Variants in DTNBP1 observed in about 807,000 individuals in gnomAD.
DTNBP1 encodes the protein dysbindin.
DTNBP1 carries 35 observed loss-of-function variants against 42.8 expected under a neutral mutation model. The observed-to-expected ratio is 0.82, with a 90% confidence interval of 0.63 to 1.09. The LOEUF (loss-of-function observed/expected upper bound fraction) is 1.09, where lower values mean the gene tolerates loss of function less well. Ranked by LOEUF, DTNBP1 falls within the 50% of genes least tolerant of loss-of-function variation. DTNBP1 has a pLI of 0.00. For synonymous variants in DTNBP1, 171 were observed against 162.2 expected, an observed-to-expected ratio of 1.05 and a Z score of -0.41; for missense variants, 457 against 424.2, an observed-to-expected ratio of 1.08 and a Z score of -0.68.
chr6:15,554,398 ATCTG>A (rs1189164827), intron 7 of DTNBP1, among the ~76,000 whole-genome samples: 1 of 152,022 alleles, frequency 6.6e-6, no homozygotes, highest in Non-Finnish European at 1.5e-5. Flanking sequence ...TTTCTTATTA[ATCTG>A]TCTTTTGTTA....
At chr6:15,630,469 G>T (rs1759629352) in intron 4 of DTNBP1, among the ~76,000 whole-genome samples, 1 of 152,104 alleles carries the variant, frequency 6.6e-6, no homozygotes, top group Non-Finnish European at 1.5e-5. Context: ...CAATTTGAAG[G>T]CAAGCTAATA....
At chr6:15,579,502 A>G (rs1232795574) in intron 7 of DTNBP1, among the ~76,000 whole-genome samples, 10 of 152,210 alleles carry the variant, frequency 6.6e-5, no homozygotes, top group Admixed American at 6.5e-4. Context: ...TATATTTTCA[A>G]ATAGCTATAA....
At chr6:15,543,706 T>G (rs962143354) in intron 7 of DTNBP1, among the ~76,000 whole-genome samples, 9 of 152,204 alleles carry the variant, frequency 5.9e-5, no homozygotes, top group Non-Finnish European at 1.5e-5. Flanking sequence ...GCCCCTAGTT[T>G]CAGTAAATGA....
chr6:15,537,836 C>A (rs1773331179), intron 7 of DTNBP1, among the ~76,000 whole-genome samples: 1 of 152,172 alleles, frequency 6.6e-6, no homozygotes, highest in Non-Finnish European at 1.5e-5. Context: ...TCAATTAAAC[C>A]TCCTTTGTTT....
At chr6:15,573,916 A>C (rs1775450384) in intron 7 of DTNBP1, among the ~76,000 whole-genome samples, 1 of 152,112 alleles carries the variant, frequency 6.6e-6, no homozygotes, top group African/African-American at 2.4e-5. Flanking sequence ...CATCTTGGCC[A>C]CGCTGGTCTT....
chr6:15,642,248 AC>A (rs978759254), intron 3 of DTNBP1, among the ~76,000 whole-genome samples: 1 of 152,204 alleles, frequency 6.6e-6, no homozygotes, highest in Non-Finnish European at 1.5e-5. Flanking sequence ...AGAGGAGTGT[AC>A]CCGCAACCCG....
At chr6:15,627,560 T>C in intron 4 of DTNBP1, 85 bp from the exon 5 acceptor site, 2 of 1,568,478 alleles carry the variant, frequency 1.3e-6, no homozygotes, top group Non-Finnish European at 1.7e-6. Context: ...TTTAATGTTA[T>C]CTTTAACAAC....
rs187502908 is a variant in DTNBP1 at position 15,530,755 on chromosome 6, G to C, written c.667+2485C>G. ...GTGCTTCCTCTGGGCTCACCAGCAA[G>C]TGCTAAACTGAAGGAAGATAGAGTT... On this transcript the variant is annotated intron_variant, in intron 8 of 9. Transcript: ENST00000344537. Among the ~76,000 whole-genome samples the C allele has an allele frequency of 4.4e-3, 674 of 152,288 alleles. 7 individuals are homozygous for C. The highest frequency in any genetic ancestry group is 0.015 in the African/African-American group (621 of 41,568).
intron 6 of DTNBP1, among the ~76,000 whole-genome samples, chr6:15,602,983 A>G (rs1264127473): frequency 5.0e-4 from 76 of 152,248 alleles, no homozygotes; most frequent in Non-Finnish European, 2.9e-5. Flanking sequence ...GAACTTAAAT[A>G]TCAGTCCTAA....
At chr6:15,580,687 T>G (rs966826881) in intron 7 of DTNBP1, among the ~76,000 whole-genome samples, 3 of 152,190 alleles carry the variant, frequency 2.0e-5, no homozygotes, top group Admixed American at 6.5e-5. Context: ...GTGATTCAAT[T>G]TTTTTCCCAG....
At chr6:15,633,900 T>C (rs1360550147) in intron 4 of DTNBP1, among the ~76,000 whole-genome samples, 1 of 152,208 alleles carries the variant, frequency 6.6e-6, no homozygotes, top group Non-Finnish European at 1.5e-5. Context: ...TTATTTAAGG[T>C]ATTACATTGC....
rs766700921 is a variant in DTNBP1, at chr6:15,574,665, G to A, written c.511+18394C>T. ...AGCACTGCCCTCAGCAAGCTGTTCCGCTCAAATGCTCAAAAAACTTTTGTG... is the reference window on the plus strand; with the variant it reads ...AGCACTGCCCTCAGCAAGCTGTTCCACTCAAATGCTCAAAAAACTTTTGTG... On this transcript the variant is annotated intron_variant, in intron 7 of 9. Transcript: ENST00000344537. Among the ~76,000 whole-genome samples the A allele has an allele frequency of 3.3e-5, 5 of 152,216 alleles. No individual in the cohort carries two copies. In the South Asian group the frequency reaches 6.2e-4, roughly 19 times the overall value.
At chr6:15,582,374 T>A (rs1423380395) in intron 7 of DTNBP1, among the ~76,000 whole-genome samples, 2 of 152,204 alleles carry the variant, frequency 1.3e-5, no homozygotes, top group African/African-American at 2.4e-5. Context: ...TTTTCTCATC[T>A]CACAGGGTTG....
At chr6:15,569,523 G>A (rs1035823691) in intron 7 of DTNBP1, among the ~76,000 whole-genome samples, 4 of 152,068 alleles carry the variant, frequency 2.6e-5, no homozygotes, top group African/African-American at 9.7e-5. Context: ...GGCGATGTGC[G>A]GTTTCCTCCC....
chr6:15,631,219 T>TA (rs1759677046), intron 4 of DTNBP1, among the ~76,000 whole-genome samples: 1 of 152,202 alleles, frequency 6.6e-6, no homozygotes, highest in South Asian at 2.1e-4. Flanking sequence ...ATCTCAATAA[T>TA]ACACCACAGA....
intron 7 of DTNBP1, among the ~76,000 whole-genome samples, chr6:15,556,616 T>G (rs1025334194): frequency 1.3e-5 from 2 of 152,204 alleles, no homozygotes; most frequent in South Asian, 4.1e-4. Flanking sequence ...ATGAAGATGC[T>G]GGAGATCAAG....
intron 7 of DTNBP1, among the ~76,000 whole-genome samples, chr6:15,537,873 TTA>T (rs1181637732): frequency 6.6e-6 from 1 of 152,202 alleles, no homozygotes; most frequent in Non-Finnish European, 1.5e-5. Context: ...AGCTATTTCT[TTA>T]TAGCTGTGTG....
At chr6:15,570,524 C>T (rs1732408501) in intron 7 of DTNBP1, among the ~76,000 whole-genome samples, 1 of 152,220 alleles carries the variant, frequency 6.6e-6, no homozygotes, top group South Asian at 2.1e-4. Context: ...AAGTTTGAAT[C>T]CTGCATTTGC....
intron 7 of DTNBP1, among the ~76,000 whole-genome samples, chr6:15,572,153 A>C (rs1775365888): frequency 6.6e-6 from 1 of 152,186 alleles, no homozygotes; most frequent in Non-Finnish European, 1.5e-5. Flanking sequence ...TATGGCTAGC[A>C]CTGTTATTTC....
Sources: gnomAD v4.1 joint callset for allele counts (sites outside exome capture counted in the v4.1 genomes callset) on GRCh38, gnomAD v4.1.1 for gene constraint, MANE v1.5 for transcripts, NCBI Gene and HGNC (gene_info 2026-07-23, HGNC 2026-07-21) for gene names.